The following COL4A6 variants were observed in gnomAD, a reference collection of about 807,000 sequenced individuals.
COL4A6 encodes the protein collagen type IV alpha 6 chain.
Under a neutral mutation model 126.7 loss-of-function variants are expected in COL4A6, and 59 were observed. The ratio of observed to expected loss-of-function variants is 0.47; its 90% confidence interval spans 0.38 to 0.58. COL4A6 has a LOEUF of 0.58. COL4A6 is among the 20% of genes least tolerant of loss of function. The probability of loss-of-function intolerance (pLI) is 0.00; values close to 1 mark genes in which losing one functional copy is unlikely to be tolerated. For missense variants in COL4A6, 1,285 were observed against 1,337.3 expected, an observed-to-expected ratio of 0.96 and a Z score of 0.61; for synonymous variants, 547 against 496.6, an observed-to-expected ratio of 1.10 and a Z score of -1.35.
chrX:108,436,129 A>G (rs17003926), intron 2 of COL4A6, among the ~76,000 whole-genome samples: 8,345 of 112,264 alleles, frequency 0.074, 681 homozygotes, highest in African/African-American at 0.23. Context: ...TAGCTTTACA[A>G]TGTCAAAGAT....
At chrX:108,210,182 AT>A (rs1271908395) in intron 7 of COL4A6, among the ~76,000 whole-genome samples, 178 bp from the exon 8 acceptor site, 1 of 112,652 alleles carries the variant, frequency 8.9e-6, no homozygotes, top group Non-Finnish European at 1.9e-5. Flanking sequence ...TAGATTGTTT[AT>A]TTTTTCTGTA....
chrX:108,195,159 C>A (rs1342178286), intron 14 of COL4A6, 33 bp from the exon 15 acceptor site: 1 of 1,118,767 alleles, frequency 8.9e-7, no homozygotes, highest in Non-Finnish European at 1.2e-6. Context: ...TTAGAAACAG[C>A]AATAGGCTAC....
chrX:108,427,811 A>C (rs2064113108), intron 2 of COL4A6, among the ~76,000 whole-genome samples: 1 of 112,081 alleles, frequency 8.9e-6, no homozygotes. Context: ...ATGATAAAAA[A>C]CTTAAATTAA....
intron 2 of COL4A6, among the ~76,000 whole-genome samples, chrX:108,374,916 G>A (rs1464135081): frequency 8.9e-6 from 1 of 111,931 alleles, no homozygotes; most frequent in Non-Finnish European, 1.9e-5. Flanking sequence ...ATTTTTAAGG[G>A]CTTGCAGTCT....
chrX:108,219,895 G>C (rs781240134), intron 4 of COL4A6, among the ~76,000 whole-genome samples, 153 bp from the exon 5 acceptor site: 2 of 110,141 alleles, frequency 1.8e-5, no homozygotes, highest in Non-Finnish European at 3.8e-5. Flanking sequence ...ACTGCAGTTC[G>C]AAGTGACCAT....
intron 3 of COL4A6, chrX:108,269,160 C>CA (rs748543562): frequency 8.8e-4 from 238 of 269,269 alleles, no homozygotes; most frequent in African/African-American, 1.7e-3. Context: ...GTGCTGCAGA[C>CA]AAAAAAAAAA....
chrX:108,187,620 G>A (rs996106040), intron 22 of COL4A6, among the ~76,000 whole-genome samples: 8 of 111,985 alleles, frequency 7.1e-5, no homozygotes, highest in African/African-American at 2.6e-4. Flanking sequence ...AAGTCATATG[G>A]TCAGGTGTTA....
At chrX:108,337,162 T>G (rs2039451323) in intron 2 of COL4A6, among the ~76,000 whole-genome samples, 1 of 111,819 alleles carries the variant, frequency 8.9e-6, no homozygotes, top group Non-Finnish European at 1.9e-5. Flanking sequence ...AACACCTCAG[T>G]GTCTCACCCA....
At chrX:108,343,344 C>A (rs1338617121) in intron 2 of COL4A6, among the ~76,000 whole-genome samples, 3 of 107,961 alleles carry the variant, frequency 2.8e-5, no homozygotes, top group Non-Finnish European at 5.7e-5. Context: ...GTGGCAAGAT[C>A]CGAGATGTAT....
At chrX:108,294,481 C>T (rs759382391) in intron 3 of COL4A6, among the ~76,000 whole-genome samples, 1 of 105,737 alleles carries the variant, frequency 9.5e-6, no homozygotes, top group East Asian at 2.9e-4. Context: ...GACACCAAAG[C>T]CATCAATTCC....
intron 2 of COL4A6, among the ~76,000 whole-genome samples, chrX:108,410,134 A>G (rs1206553497): frequency 8.9e-6 from 1 of 111,856 alleles, no homozygotes; most frequent in East Asian, 2.8e-4. Flanking sequence ...GGAGTCAGTG[A>G]AATTCTCTCC....
intron 3 of COL4A6, among the ~76,000 whole-genome samples, chrX:108,272,283 C>T (rs937854352): frequency 8.1e-5 from 9 of 111,634 alleles, no homozygotes; most frequent in African/African-American, 2.0e-4. Flanking sequence ...AAAATCAGTT[C>T]GTTCTCATTC....
chrX:108,158,035 AGAGT>A (rs200757780), intron 44 of COL4A6, among the ~76,000 whole-genome samples: 3,565 of 112,612 alleles, frequency 0.032, 122 homozygotes, highest in African/African-American at 0.11. Context: ...GAACTTTGCA[AGAGT>A]GAGAGTCTGC....
chrX:108,334,178 T>C (rs1370742439), intron 2 of COL4A6, among the ~76,000 whole-genome samples: 1 of 111,909 alleles, frequency 8.9e-6, no homozygotes, highest in African/African-American at 3.2e-5. Context: ...TAAATGTTCA[T>C]CACATCTTAA....
At chrX:108,280,762 C>T (rs1380653837) in intron 3 of COL4A6, among the ~76,000 whole-genome samples, 4 of 111,190 alleles carry the variant, frequency 3.6e-5, no homozygotes, top group East Asian at 2.8e-4. Flanking sequence ...ACTGGCAAAC[C>T]GAATCCAGCA....
At chrX:108,166,590 G>T (rs6523999) in intron 37 of COL4A6, among the ~76,000 whole-genome samples, 37,722 of 110,960 alleles carry the variant, frequency 0.34, 5,441 homozygotes, top group East Asian at 0.7. Context: ...AGTGATGGTA[G>T]ATTTGGGTGT....
At chrX:108,168,179 T>C (rs1307317437) in intron 37 of COL4A6, among the ~76,000 whole-genome samples, 9 of 112,178 alleles carry the variant, frequency 8.0e-5, no homozygotes, top group Non-Finnish European at 1.7e-4. Flanking sequence ...CTAAAGAAAA[T>C]GAATAATCTA....
At position 108,170,801 on chromosome X, in the gene COL4A6, G is replaced by T. The variant is rs763095387; in HGVS notation, c.3385+9C>A. 13 of 1,206,608 alleles carry T rather than the reference G, an allele frequency of 1.1e-5. No individual in the cohort carries two copies. Among genetic ancestry groups the T allele is most frequent in the Non-Finnish European group, 1.5e-5 (13 of 891,506 alleles). ...TCTTTCAGAATAAGGTTATCATGTGGCATGGTACCTGGAGCTCCAGGAAGG... is the reference window on the plus strand; with the variant it reads ...TCTTTCAGAATAAGGTTATCATGTGTCATGGTACCTGGAGCTCCAGGAAGG... On this transcript the variant is annotated intron_variant, in intron 34 of 44. Coordinates refer to ENST00000334504, the MANE Select transcript of COL4A6 (RefSeq NM_033641.4).
chrX:108,284,441 C>T (rs2037947176), intron 3 of COL4A6, among the ~76,000 whole-genome samples: 1 of 111,317 alleles, frequency 9.0e-6, no homozygotes, highest in African/African-American at 3.3e-5. Flanking sequence ...CACATGTATT[C>T]CAGAACTTAA....
Sources: gnomAD v4.1 joint callset for allele counts (sites outside exome capture counted in the v4.1 genomes callset) on GRCh38, gnomAD v4.1.1 for gene constraint, MANE v1.5 for transcripts, NCBI Gene and HGNC (gene_info 2026-07-23, HGNC 2026-07-21) for gene names.